PRR16: variants seen among roughly 807,000 people sequenced by gnomAD.
PRR16 encodes protein Largen.
Under a neutral mutation model 18.2 loss-of-function variants are expected in PRR16, and 6 were observed. The observed-to-expected ratio is 0.33, with a 90% CI of 0.18 to 0.65. The LOEUF is 0.65. Ranked by LOEUF, PRR16 falls within the 30% of genes least tolerant of loss-of-function variation. The probability of loss-of-function intolerance (pLI) is 0.74; values close to 1 mark genes in which losing one functional copy is unlikely to be tolerated. For missense variants in PRR16, 412 were observed against 376.6 expected (o/e 1.09, Z -0.78); for synonymous variants, 151 against 147.8 (o/e 1.02, Z -0.16).
At chr5:120,530,288 T>TA (rs1751509770) in intron 1 of PRR16, among the ~76,000 whole-genome samples, 1 of 137,132 alleles carries the variant, frequency 7.3e-6, no homozygotes, top group Non-Finnish European at 1.5e-5. Flanking sequence ...TATATATTTA[T>TA]TTATTTATTT....
chr5:120,778,942 A>T, the PRR16 span, among the ~76,000 whole-genome samples: 1 of 152,136 alleles, frequency 6.6e-6, no homozygotes, highest in Non-Finnish European at 1.5e-5. Context: ...TTAAAAATGG[A>T]AATGAAATGG....
chr5:120,785,575 G>GTTGTTTTTTTTTTTTTTTTT, the PRR16 span, among the ~76,000 whole-genome samples: 40 of 115,408 alleles, frequency 3.5e-4, no homozygotes, highest in African/African-American at 1.1e-3. Flanking sequence ...TGTTGTTGTT[G>GTTGTTTTTTTTTTTTTTTTT]TTTTTTTTTT....
chr5:120,590,275 A>G (rs1460692895), intron 1 of PRR16, among the ~76,000 whole-genome samples: 1 of 152,064 alleles, frequency 6.6e-6, no homozygotes, highest in East Asian at 1.9e-4. Context: ...CTGAATGCCC[A>G]TCATAATTTT....
chr5:120,502,092 G>A (rs1750480232), intron 1 of PRR16, among the ~76,000 whole-genome samples: 1 of 151,222 alleles, frequency 6.6e-6, no homozygotes, highest in Admixed American at 6.6e-5. Context: ...GTTCTGGAGG[G>A]AAGTTTGCCA....
downstream of PRR16, among the ~76,000 whole-genome samples, chr5:120,687,488 A>G (rs1187932033): frequency 1.3e-5 from 2 of 152,188 alleles, no homozygotes; most frequent in Non-Finnish European, 2.9e-5. Context: ...TACATATTTT[A>G]TACTTCCATT....
chr5:120,695,332 G>T, the PRR16 span, among the ~76,000 whole-genome samples: 1 of 151,820 alleles, frequency 6.6e-6, no homozygotes, highest in Non-Finnish European at 1.5e-5. Flanking sequence ...ATTAAAATTA[G>T]CTCCTCCATA....
intron 1 of PRR16, among the ~76,000 whole-genome samples, chr5:120,500,828 C>T (rs988677639): frequency 2.6e-5 from 4 of 152,042 alleles, no homozygotes; most frequent in African/African-American, 9.7e-5. Flanking sequence ...AAAGTAAATC[C>T]ATGAGGAGAT....
At chr5:120,590,884 G>C (rs77848029) in intron 1 of PRR16, among the ~76,000 whole-genome samples, 8,944 of 152,086 alleles carry the variant, frequency 0.059, 366 homozygotes, top group South Asian at 0.084. Context: ...CCACAGTTCT[G>C]GTATAGAGTA....
At chr5:120,673,956 A>AG (rs1021520954) in intron 1 of PRR16, among the ~76,000 whole-genome samples, 2 of 10,592 alleles carry the variant, frequency 1.9e-4, no homozygotes, top group African/African-American at 3.3e-4. Flanking sequence ...CCTTTCTCAA[A>AG]GAAAAAAAAA....
chr5:120,661,133 G>A (rs1370772617), intron 1 of PRR16, among the ~76,000 whole-genome samples: 2 of 152,070 alleles, frequency 1.3e-5, no homozygotes, highest in African/African-American at 4.8e-5. Flanking sequence ...GTCCTTTCAT[G>A]TTTTGGGAAG....
At chr5:120,499,096 C>G (rs1561518368) in intron 1 of PRR16, among the ~76,000 whole-genome samples, 1 of 138,310 alleles carries the variant, frequency 7.2e-6, no homozygotes, top group East Asian at 2.1e-4. Context: ...TTTCAGTCAT[C>G]TTTTTTTTTT....
intron 1 of PRR16, among the ~76,000 whole-genome samples, chr5:120,532,964 G>A (rs1403208476): frequency 3.9e-5 from 6 of 152,246 alleles, no homozygotes; most frequent in East Asian, 1.9e-4. Context: ...TTTCTGGGTC[G>A]TTCTGTCTCA....
chr5:120,677,881 C>G (rs935127042), intron 1 of PRR16, among the ~76,000 whole-genome samples: 4 of 147,950 alleles, frequency 2.7e-5, no homozygotes, highest in Non-Finnish European at 4.5e-5. Context: ...TGGAATTGGA[C>G]TAAACTGCTT....
intron 1 of PRR16, among the ~76,000 whole-genome samples, chr5:120,543,923 A>T (rs1751995184): frequency 6.6e-6 from 1 of 152,130 alleles, no homozygotes; most frequent in Admixed American, 6.5e-5. Flanking sequence ...AAAACCTCTA[A>T]GGAGTGTGTT....
chr5:120,514,748 T>C (rs896005873), intron 1 of PRR16, among the ~76,000 whole-genome samples: 5 of 152,238 alleles, frequency 3.3e-5, no homozygotes, highest in Admixed American at 2.6e-4. Flanking sequence ...TTTGTCCACA[T>C]TTCTACCAGA....
chr5:120,494,654 G>C (rs1028479085), intron 1 of PRR16, among the ~76,000 whole-genome samples: 1 of 152,002 alleles, frequency 6.6e-6, no homozygotes. Flanking sequence ...TTATGAATCA[G>C]GCTATTGGTG....
chr5:120,588,640 A>G (rs760915126), intron 1 of PRR16, among the ~76,000 whole-genome samples: 3 of 152,192 alleles, frequency 2.0e-5, no homozygotes, highest in Non-Finnish European at 4.4e-5. Flanking sequence ...GTTGATTTTT[A>G]TATGCAGTGG....
At chr5:120,496,207 A>G (rs1317307654) in intron 1 of PRR16, among the ~76,000 whole-genome samples, 1 of 151,974 alleles carries the variant, frequency 6.6e-6, no homozygotes, top group East Asian at 1.9e-4. Flanking sequence ...ATTGATAAGG[A>G]TTTTTGTATC....
intron 1 of PRR16, among the ~76,000 whole-genome samples, chr5:120,586,176 A>C (rs1753436444): frequency 6.6e-6 from 1 of 151,860 alleles, no homozygotes; most frequent in Admixed American, 6.6e-5. Context: ...CATCTCAAAA[A>C]AAAAAAAATA....
Sources: allele counts gnomAD v4.1 joint callset (sites outside exome capture counted in the v4.1 genomes callset), GRCh38; gene constraint gnomAD v4.1.1; transcripts MANE v1.5; gene names NCBI Gene and HGNC (gene_info 2026-07-23, HGNC 2026-07-21).